Variants in SMYD3 observed in about 807,000 individuals in gnomAD.
The protein encoded by SMYD3 is SET and MYND domain containing 3.
Under a neutral mutation model 57.7 loss-of-function variants are expected in SMYD3, and 36 were observed. The observed-to-expected ratio is 0.62, with a 90% confidence interval of 0.48 to 0.82. The LOEUF (loss-of-function observed/expected upper bound fraction) is 0.82. SMYD3 is among the 40% of genes least tolerant of loss of function. The pLI is 0.00. For synonymous variants in SMYD3, 211 were observed against 195.0 expected (o/e 1.08, Z -0.68); for missense variants, 515 against 538.8 (o/e 0.96, Z 0.44).
At chr1:245,807,042 C>T (rs1368569869) in intron 10 of SMYD3, among the ~76,000 whole-genome samples, 1 of 151,324 alleles carries the variant, frequency 6.6e-6, no homozygotes, top group Admixed American at 6.6e-5. Context: ...TCTTCTGGGA[C>T]CAGTCAAGAG....
chr1:245,985,161 T>A (rs2058677587), intron 5 of SMYD3, among the ~76,000 whole-genome samples: 2 of 152,126 alleles, frequency 1.3e-5, no homozygotes. Context: ...CTGGAATATC[T>A]GCTTTTCACC....
intron 10 of SMYD3, among the ~76,000 whole-genome samples, chr1:245,841,697 T>C (rs1465896917): frequency 6.6e-6 from 1 of 152,216 alleles, no homozygotes; most frequent in Admixed American, 6.5e-5. Context: ...CTGTCACATA[T>C]GAAATGCCAA....
chr1:246,301,262 G>A (rs967435578), intron 5 of SMYD3, among the ~76,000 whole-genome samples: 5 of 152,046 alleles, frequency 3.3e-5, no homozygotes, highest in Non-Finnish European at 5.9e-5. Flanking sequence ...TCCACCATTC[G>A]ACAGATTCAA....
At chr1:246,499,777 T>C (rs1473765373) in intron 1 of SMYD3, among the ~76,000 whole-genome samples, 1 of 152,112 alleles carries the variant, frequency 6.6e-6, no homozygotes, top group Non-Finnish European at 1.5e-5. Flanking sequence ...TTTAAATAGG[T>C]ATTTTCAAAA....
chr1:246,211,873 A>G (rs1438063018), intron 5 of SMYD3, among the ~76,000 whole-genome samples: 2 of 151,882 alleles, frequency 1.3e-5, no homozygotes, highest in Non-Finnish European at 2.9e-5. Context: ...TATGGGTAGC[A>G]TAAAGATGAG....
intron 5 of SMYD3, among the ~76,000 whole-genome samples, chr1:246,260,524 C>T (rs1374989170): frequency 6.6e-6 from 1 of 152,058 alleles, no homozygotes; most frequent in African/African-American, 2.4e-5. Context: ...GACCTTGGCT[C>T]ACTGCAACCT....
Position 245,784,194 on chromosome 1 carries a change from C to T in SMYD3, c.1077-20045G>A, listed in dbSNP as rs896084108. Among the ~76,000 whole-genome samples, 7 of 152,290 alleles carry T rather than the reference C, an allele frequency of 4.6e-5. No homozygotes were observed. In the South Asian group the frequency reaches 6.2e-4, roughly 14 times the overall value. On this transcript the variant is annotated intron_variant, in intron 10 of 11. Coordinates refer to ENST00000490107, the MANE Select transcript of SMYD3 (RefSeq NM_001167740.2). ...AGCACTAGTTCTCATGCTAATTCTG[C>T]GATGTTCACTTACCACACTGCTGCC...
intron 11 of SMYD3, among the ~76,000 whole-genome samples, chr1:245,756,129 T>C (rs1469314220): frequency 6.7e-6 from 1 of 148,624 alleles, no homozygotes; most frequent in African/African-American, 2.4e-5. Context: ...CACACATATA[T>C]ATGTATATAT....
intron 9 of SMYD3, among the ~76,000 whole-genome samples, chr1:245,859,045 T>C: frequency 6.6e-6 from 1 of 152,350 alleles, no homozygotes; most frequent in East Asian, 1.9e-4. Flanking sequence ...ATTTACTCTG[T>C]TAGCTTCTGT....
chr1:246,016,615 GAAC>G (rs1218444853), intron 5 of SMYD3, among the ~76,000 whole-genome samples: 1 of 151,764 alleles, frequency 6.6e-6, no homozygotes, highest in Non-Finnish European at 1.5e-5. Flanking sequence ...AAAAGAAACA[GAAC>G]AACAGCATTA....
In SMYD3 at chr1:246,296,141, G is replaced by A. The variant is rs77041638; in HGVS notation, c.531+31060C>T. ...TGACTGTCAGGAATTAGGCCGCTCTGAGTCTGGACATGCAGACTATGCAGA... is the reference window on the plus strand; with the variant it reads ...TGACTGTCAGGAATTAGGCCGCTCTAAGTCTGGACATGCAGACTATGCAGA... On this transcript the variant is annotated intron_variant, in intron 5 of 11. Coordinates refer to ENST00000490107, the MANE Select transcript of SMYD3 (RefSeq NM_001167740.2). Among the ~76,000 whole-genome samples, 2,464 of 152,298 alleles carry A rather than the reference G, an allele frequency of 0.016. 208 individuals carry two copies. In the East Asian group the frequency reaches 0.23, roughly 14 times the overall value.
At chr1:246,185,119 G>A (rs548860789) in intron 5 of SMYD3, among the ~76,000 whole-genome samples, 2 of 152,340 alleles carry the variant, frequency 1.3e-5, no homozygotes, top group East Asian at 1.9e-4. Flanking sequence ...CACTAATGGT[G>A]TTATATGCCA....
chr1:246,201,929 C>T (rs1195830862), intron 5 of SMYD3, among the ~76,000 whole-genome samples: 1 of 151,626 alleles, frequency 6.6e-6, no homozygotes, highest in African/African-American at 2.4e-5. Flanking sequence ...AGGAGAATCG[C>T]TTGCACCCGG....
At chr1:246,471,937 A>G (rs2067966325) in intron 1 of SMYD3, among the ~76,000 whole-genome samples, 1 of 152,228 alleles carries the variant, frequency 6.6e-6, no homozygotes, top group Non-Finnish European at 1.5e-5. Flanking sequence ...AATCAGTCCA[A>G]TCTTGGGGAA....
intron 5 of SMYD3, among the ~76,000 whole-genome samples, chr1:246,175,501 C>T (rs1168323563): frequency 6.6e-6 from 1 of 152,160 alleles, no homozygotes; most frequent in Admixed American, 6.5e-5. Flanking sequence ...CCCTCTACCA[C>T]CTGAGGATTA....
At chr1:246,453,609 G>T (rs1049388453) in intron 1 of SMYD3, among the ~76,000 whole-genome samples, 9 of 152,020 alleles carry the variant, frequency 5.9e-5, no homozygotes, top group African/African-American at 2.2e-4. Flanking sequence ...CAAAAGCGAG[G>T]TATTCAAAAG....
At chr1:246,040,320 C>T (rs911558182) in intron 5 of SMYD3, among the ~76,000 whole-genome samples, 3 of 152,218 alleles carry the variant, frequency 2.0e-5, no homozygotes, top group Non-Finnish European at 4.4e-5. Context: ...AGACACCCCA[C>T]CATCACAGCT....
chr1:245,764,599 C>T (rs2045989945), intron 10 of SMYD3, among the ~76,000 whole-genome samples: 1 of 151,954 alleles, frequency 6.6e-6, no homozygotes, highest in Admixed American at 6.6e-5. Context: ...CCAACTAGAT[C>T]CTACCACACC....
intron 5 of SMYD3, among the ~76,000 whole-genome samples, chr1:246,277,783 G>A (rs11803290): frequency 2.6e-5 from 4 of 152,102 alleles, no homozygotes; most frequent in East Asian, 3.8e-4. Flanking sequence ...AGTCTATAAC[G>A]TACAGTTCCA....
Sources: allele counts gnomAD v4.1 joint callset (sites outside exome capture counted in the v4.1 genomes callset), GRCh38; gene constraint gnomAD v4.1.1; transcripts MANE v1.5; gene names NCBI Gene and HGNC (gene_info 2026-07-23, HGNC 2026-07-21).